The following PSORS1C1 variants were observed in gnomAD, a reference collection of about 807,000 sequenced individuals.
PSORS1C1 encodes the protein psoriasis susceptibility 1 candidate 1.
PSORS1C1 carries 7 observed loss-of-function variants against 9.4 expected under a neutral mutation model. The observed-to-expected ratio is 0.75, with a 90% confidence interval of 0.42 to 1.40. PSORS1C1 has a LOEUF of 1.40. PSORS1C1 is among the 40% of genes most tolerant of loss of function. PSORS1C1 has a pLI of 0.01. For synonymous variants in PSORS1C1, 63 were observed against 69.4 expected (o/e 0.91, Z 0.46); for missense variants, 146 against 178.1 (o/e 0.82, Z 1.02).
rs1482686728 is a variant in PSORS1C1 at position 31,117,257 on chromosome 6, C to T, written c.-229+2366C>T. Reference sequence around the variant, plus strand: ...GCACCTTGTAGACTAGAGCCAGATCCGGAGGAGTAGCTGACCTGGGAATAC... The same window carrying T: ...GCACCTTGTAGACTAGAGCCAGATCTGGAGGAGTAGCTGACCTGGGAATAC... On this transcript the variant is annotated intron_variant, in intron 1 of 5. Coordinates refer to ENST00000259881, the MANE Select transcript of PSORS1C1 (RefSeq NM_014068.3). The T allele has an allele frequency of 5.6e-6, 9 of 1,609,736 alleles. No individual in the cohort carries two copies. The Admixed American group carries it at 1.0e-4, about 18-fold the overall frequency.
At position 31,115,933 on chromosome 6, in the gene PSORS1C1, C is replaced by A; in HGVS notation, c.-229+1042C>A. The A allele has an allele frequency of 8.6e-7, 1 of 1,167,994 alleles. No homozygotes were observed. Among genetic ancestry groups the A allele is most frequent in the Non-Finnish European group, 1.3e-6 (1 of 783,590 alleles). 72.4% of individuals were successfully genotyped at this position (1,167,994 alleles called of 1,614,324 possible). On this transcript the variant is annotated intron_variant, in intron 1 of 5. Coordinates refer to ENST00000259881, the MANE Select transcript of PSORS1C1 (RefSeq NM_014068.3). This position sits in a 1 kb window ranked among gnomAD's most constrained non-coding sequence, Gnocchi z 4.2. Reference sequence around the variant, plus strand: ...TTGGGAAGGAGGGAAACTGAGCTAACCCTATGCCTGGGCACTGGACTTCTC... The same window carrying A: ...TTGGGAAGGAGGGAAACTGAGCTAAACCTATGCCTGGGCACTGGACTTCTC...
intron 1 of PSORS1C1, chr6:31,117,480 G>A (rs1334648369): frequency 5.2e-6 from 8 of 1,552,818 alleles, no homozygotes; most frequent in Non-Finnish European, 7.0e-6. Flanking sequence ...TGATACGCGT[G>A]GGGTCCTTAC....
chr6:31,121,918 G>A (rs942199118), intron 1 of PSORS1C1, among the ~76,000 whole-genome samples: 1 of 152,258 alleles, frequency 6.6e-6, no homozygotes, highest in African/African-American at 2.4e-5. Context: ...CGTGCAGCTA[G>A]TGGCTGCCAT....
chr6:31,115,891 A>T lies in PSORS1C1; in HGVS notation c.-229+1000A>T. 1.3e-6 allele frequency: 1 copy of T among 764,238 alleles called. No individual in the cohort carries two copies. The highest frequency in any genetic ancestry group is 2.2e-6 in the Non-Finnish European group (1 of 446,532). The allele number at this position is 764,238 out of a possible 1,614,324, so 47.3% of individuals were successfully genotyped here. On this transcript the variant is annotated intron_variant, in intron 1 of 5. Transcript: ENST00000259881. The surrounding 1 kb of genome is among the most constrained non-coding windows in gnomAD (Gnocchi z 4.2). ...AGTCTGCAACCTTGGGGTAGTGGAG[A>T]AAGCAGAACCACTCTTTTGGGAAGG...
At chr6:31,126,763 C>T (rs1326498015) in intron 2 of PSORS1C1, among the ~76,000 whole-genome samples, 1 of 152,070 alleles carries the variant, frequency 6.6e-6, no homozygotes, top group Non-Finnish European at 1.5e-5. Flanking sequence ...GTTCTGCCCA[C>T]CAAGCTTTCT....
At chr6:31,127,069 G>A (rs1772713259) in intron 2 of PSORS1C1, among the ~76,000 whole-genome samples, 1 of 152,178 alleles carries the variant, frequency 6.6e-6, no homozygotes, top group Non-Finnish European at 1.5e-5. Context: ...GGCTATTAGT[G>A]GTTTTTATTG....
Position 31,138,687 on chromosome 6 carries a change from G to C in PSORS1C1, c.75G>C (p.Gln25His). The C allele has an allele frequency of 5.0e-6, 8 of 1,613,216 alleles. No homozygotes were observed. The highest frequency in any genetic ancestry group is 6.8e-6 in the Non-Finnish European group (8 of 1,179,914). ...GTQTPALQGPQLLNTDPSSEE... is the reference protein window; with the variant it reads ...GTQTPALQGPHLLNTDPSSEE... Reference sequence around the variant, plus strand: ...AGACCCCAGCTTTACAAGGACCCCAGCTCCTTAACACAGATCCCAGCTCCG... The same window carrying C: ...AGACCCCAGCTTTACAAGGACCCCACCTCCTTAACACAGATCCCAGCTCCG... Residue 25 changes from glutamine (Q) to histidine (H), a missense_variant, in exon 5 of 6, where the codon CAG becomes CAC. Coordinates refer to ENST00000259881, the MANE Select transcript of PSORS1C1 (RefSeq NM_014068.3).
At chr6:31,131,129 G>A (rs1772892916) in intron 3 of PSORS1C1, among the ~76,000 whole-genome samples, 1 of 152,078 alleles carries the variant, frequency 6.6e-6, no homozygotes. Context: ...CCCCCGACCT[G>A]TCTCTCCAAC....
intron 3 of PSORS1C1, among the ~76,000 whole-genome samples, chr6:31,136,817 G>GT (rs1438596728): frequency 1.3e-5 from 2 of 152,200 alleles, no homozygotes; most frequent in Non-Finnish European, 2.9e-5. Flanking sequence ...CCAGGTCTCC[G>GT]TAAGTTTAGG....
At chr6:31,130,891 G>C (rs1444906314) in intron 3 of PSORS1C1, among the ~76,000 whole-genome samples, 1 of 150,206 alleles carries the variant, frequency 6.7e-6, no homozygotes, top group Non-Finnish European at 1.5e-5. Context: ...ATGGGGTCTT[G>C]CTGTGTTGCC....
intron 1 of PSORS1C1, chr6:31,117,175 T>C: frequency 1.2e-6 from 2 of 1,611,914 alleles, no homozygotes; most frequent in South Asian, 1.1e-5. Flanking sequence ...GCTTCCCGAG[T>C]GAGAGCCGCT....
chr6:31,127,517 A>G (rs3131004), intron 2 of PSORS1C1, among the ~76,000 whole-genome samples: 79,322 of 151,112 alleles, frequency 0.52, 21,055 homozygotes, highest in East Asian at 0.59. Flanking sequence ...AGGTCTGCCC[A>G]TGCAGGACTG....
chr6:31,120,108 A>G (rs1406517921), intron 1 of PSORS1C1, among the ~76,000 whole-genome samples: 1 of 152,108 alleles, frequency 6.6e-6, no homozygotes, highest in Non-Finnish European at 1.5e-5. Flanking sequence ...TACATTATTT[A>G]ATTTGAGACA....
At chr6:31,114,974 A>G (rs968987643) in intron 1 of PSORS1C1, 83 bp downstream of exon 1, 47 of 443,808 alleles carry the variant, frequency 1.1e-4, no homozygotes, top group South Asian at 2.3e-4. Context: ...TGAGGGCCCT[A>G]AATAAGGGGA....
chr6:31,120,284 C>T (rs750106074), intron 1 of PSORS1C1: 6 of 1,403,468 alleles, frequency 4.3e-6, no homozygotes, highest in South Asian at 3.7e-5. Context: ...GGTCCTCTCC[C>T]GGAGTCTCCC....
At chr6:31,136,527 G>T (rs1359734389) in intron 3 of PSORS1C1, among the ~76,000 whole-genome samples, 1 of 152,156 alleles carries the variant, frequency 6.6e-6, no homozygotes, top group Admixed American at 6.5e-5. Context: ...ATTCATTCTA[G>T]CGGGGGGCAC....
chr6:31,126,649 G>A (rs1320578217), intron 2 of PSORS1C1, among the ~76,000 whole-genome samples: 4 of 152,176 alleles, frequency 2.6e-5, no homozygotes, highest in African/African-American at 9.7e-5. Context: ...AGCCTCCGAC[G>A]GGCCCAGGGC....
chr6:31,132,000 CTT>C (rs1481430353), intron 3 of PSORS1C1, among the ~76,000 whole-genome samples: 1 of 152,180 alleles, frequency 6.6e-6, no homozygotes, highest in African/African-American at 2.4e-5. Context: ...AATCCCAACA[CTT>C]TGAGAGGCGG....
At position 31,139,734 on chromosome 6, in the gene PSORS1C1, C is replaced by T; in HGVS notation, c.261C>T (p.Ile87=). Reference sequence around the variant, plus strand: ...GAAAAGGAAGGACACAGGAGGATATCCTGGTTCCCTCTTCCCACCCAGAGC... The same window carrying T: ...GAAAAGGAAGGACACAGGAGGATATTCTGGTTCCCTCTTCCCACCCAGAGC... ...DCRKGRTQED[I]LVPSSHPELF... Residue 87 remains isoleucine (I), a synonymous_variant, in exon 6 of 6, where the codon ATC becomes ATT. Coordinates refer to ENST00000259881, the MANE Select transcript of PSORS1C1 (RefSeq NM_014068.3). This position sits in a 1 kb window ranked among gnomAD's most constrained non-coding sequence, Gnocchi z 5.2. 6.2e-7 allele frequency: 1 copy of T among 1,613,094 alleles called. No homozygotes were observed. Among genetic ancestry groups the T allele is most frequent in the Non-Finnish European group, 8.5e-7 (1 of 1,180,042 alleles).
Sources: gnomAD v4.1 joint callset for allele counts (sites outside exome capture counted in the v4.1 genomes callset) on GRCh38, gnomAD v4.1.1 for gene constraint, Gnocchi (gnomAD v3.1) non-coding constraint, MANE v1.5 for transcripts, NCBI Gene and HGNC (gene_info 2026-07-23, HGNC 2026-07-21) for gene names.